ADGRB3: variants seen among roughly 807,000 people sequenced by gnomAD.
ADGRB3 encodes brain-specific angiogenesis inhibitor 3.
A neutral mutation model predicts 193.4 loss-of-function variants in ADGRB3; 37 were observed. The ratio of observed to expected loss-of-function variants is 0.19; its 90% confidence interval spans 0.15 to 0.25. The LOEUF is 0.25. ADGRB3 is among the 10% of genes least tolerant of loss of function. The probability of loss-of-function intolerance (pLI) is 1.00; values close to 1 mark genes in which losing one functional copy is unlikely to be tolerated. For synonymous variants in ADGRB3, 690 were observed against 644.2 expected, an observed-to-expected ratio of 1.07 and a Z score of -1.08; for missense variants, 1,637 against 1,852.9, an observed-to-expected ratio of 0.88 and a Z score of 2.14.
chr6:68,726,446 T>G (rs1363897932), intron 3 of ADGRB3, among the ~76,000 whole-genome samples: 1 of 151,590 alleles, frequency 6.6e-6, no homozygotes, highest in African/African-American at 2.4e-5. Flanking sequence ...ATAGAGGTCA[T>G]TTCTATGCAG....
intron 17 of ADGRB3, chr6:69,232,463 C>A: frequency 6.5e-7 from 1 of 1,527,450 alleles, no homozygotes; most frequent in South Asian, 1.2e-5. Context: ...AGGCTCTCTT[C>A]CCTACTCCTA....
chr6:69,355,992 G>GC lies in ADGRB3; in HGVS notation c.3595+137dup, dbSNP rs987331816. On this transcript the variant is annotated intron_variant, in intron 28 of 31. Transcript: ENST00000370598. ...GTGAAAGGGCTGTATATGTAAAGCAGCCCCCAAATGCCAAAGGAGCTGAGA... is the reference window on the plus strand; with the variant it reads ...GTGAAAGGGCTGTATATGTAAAGCAGCCCCCCAAATGCCAAAGGAGCTGAGA... 3 of 651,530 alleles carry GC rather than the reference G, an allele frequency of 4.6e-6. No individual in the cohort carries two copies. In the African/African-American group the frequency reaches 5.5e-5, roughly 12 times the overall value. The allele number at this position is 651,530 out of a possible 1,614,324, so 40.4% of individuals were successfully genotyped here. A position where few individuals can be genotyped will look rare whatever the true frequency, so the allele number is the denominator to read the frequency against.
At chr6:69,209,584 G>T (rs1341779121) in intron 17 of ADGRB3, among the ~76,000 whole-genome samples, 1 of 152,208 alleles carries the variant, frequency 6.6e-6, no homozygotes, top group African/African-American at 2.4e-5. Flanking sequence ...AAAAGCAATT[G>T]CAGTCTCTCT....
intron 16 of ADGRB3, among the ~76,000 whole-genome samples, chr6:69,073,059 C>T (rs1562147200): frequency 6.6e-6 from 1 of 152,176 alleles, no homozygotes; most frequent in Admixed American, 6.5e-5. Flanking sequence ...TCCATTCCCC[C>T]ATTTGTCCTT....
At chr6:69,311,557 C>T (rs1768195010) in intron 20 of ADGRB3, among the ~76,000 whole-genome samples, 1 of 151,692 alleles carries the variant, frequency 6.6e-6, no homozygotes, top group Non-Finnish European at 1.5e-5. Flanking sequence ...TCTGATCTCC[C>T]TAGGACATCT....
rs755776819 is a variant in ADGRB3, at chr6:69,388,711, C to A, written c.4389C>A (p.Pro1463=). Residue 1463 remains proline (P), a synonymous_variant, in exon 32 of 32, where the codon CCC becomes CCA. Transcript: ENST00000370598. ...CCCTCTCTTCTCAACAGGAAAACCC[C>A]GCACCAAACAAGAATCCATGGGACA... ...DIPNTSSMEN[P]APNKNPWDTF... The A allele has an allele frequency of 1.2e-6, 2 of 1,612,364 alleles. No homozygotes were observed. Among genetic ancestry groups the A allele is most frequent in the African/African-American group, 2.7e-5 (2 of 74,794 alleles).
chr6:68,636,443 G>GATAA (rs79779792), intron 1 of ADGRB3, among the ~76,000 whole-genome samples: 53,995 of 144,920 alleles, frequency 0.37, 10,312 homozygotes, highest in South Asian at 0.46. Context: ...CTCAGCAAGA[G>GATAA]ATAAATAAAT....
In ADGRB3 at chr6:69,100,738, CT is replaced by C. The variant is rs200196575; in HGVS notation, c.2480+24703del. Among the ~76,000 whole-genome samples, 686 of 148,810 alleles carry C rather than the reference CT, an allele frequency of 4.6e-3. 34 individuals are homozygous for C. Among genetic ancestry groups the C allele is most frequent in the Admixed American group, 0.042 (624 of 14,778 alleles). On this transcript the variant is annotated intron_variant, in intron 17 of 31. Transcript: ENST00000370598. ...AGGTAATTACTGTTAAATTTTTACC[CT>C]TTAAAGCCTTTAAATTCAGTTTTGT...
intron 8 of ADGRB3, among the ~76,000 whole-genome samples, chr6:68,973,013 A>G (rs1768632971): frequency 6.6e-6 from 1 of 152,208 alleles, no homozygotes; most frequent in Admixed American, 6.5e-5. Context: ...GGTTGAATTA[A>G]CTGCTAAACC....
intron 8 of ADGRB3, among the ~76,000 whole-genome samples, chr6:68,960,389 T>C (rs531284229): frequency 6.6e-6 from 1 of 152,260 alleles, no homozygotes; most frequent in South Asian, 2.1e-4. Context: ...TATCTATAAA[T>C]ATTCATACTA....
chr6:69,329,371 A>G (rs937799746), intron 22 of ADGRB3, among the ~76,000 whole-genome samples: 5 of 152,216 alleles, frequency 3.3e-5, no homozygotes, highest in Non-Finnish European at 7.3e-5. Context: ...TTGAATATAC[A>G]TACACATATT....
At chr6:68,805,489 C>G (rs574122302) in intron 3 of ADGRB3, among the ~76,000 whole-genome samples, 1 of 152,122 alleles carries the variant, frequency 6.6e-6, no homozygotes, top group Non-Finnish European at 1.5e-5. Context: ...CATTATGAGT[C>G]GAACTTTGTC....
intron 9 of ADGRB3, 151 bp downstream of exon 9, chr6:68,975,015 A>G (rs2150265618): frequency 2.7e-6 from 2 of 743,726 alleles, no homozygotes; most frequent in South Asian, 2.0e-5. Flanking sequence ...AAAGTGCTTC[A>G]TAAATGAAGC....
intron 3 of ADGRB3, among the ~76,000 whole-genome samples, chr6:68,837,600 A>T (rs1005169808): frequency 6.6e-6 from 1 of 152,244 alleles, no homozygotes; most frequent in African/African-American, 2.4e-5. Flanking sequence ...TTGAAATAAG[A>T]TAGAAAGTGA....
chr6:69,137,654 G>A (rs919907764), intron 17 of ADGRB3, among the ~76,000 whole-genome samples: 7 of 151,978 alleles, frequency 4.6e-5, no homozygotes, highest in South Asian at 2.1e-4. Context: ...AAAATTAGCC[G>A]GGCATGGTGG....
At chr6:68,657,673 T>C (rs181168257) in intron 3 of ADGRB3, among the ~76,000 whole-genome samples, 16 of 151,554 alleles carry the variant, frequency 1.1e-4, no homozygotes, top group Admixed American at 2.0e-4. Flanking sequence ...ACTCAACTTG[T>C]AAAGGGTTTT....
chr6:69,097,866 A>G (rs1481043243), intron 17 of ADGRB3, among the ~76,000 whole-genome samples: 1 of 152,194 alleles, frequency 6.6e-6, no homozygotes, highest in African/African-American at 2.4e-5. Flanking sequence ...GGAAAATGGT[A>G]CAGATTTTTA....
At chr6:68,828,562 T>G (rs1161746189) in intron 3 of ADGRB3, among the ~76,000 whole-genome samples, 1 of 152,132 alleles carries the variant, frequency 6.6e-6, no homozygotes, top group Non-Finnish European at 1.5e-5. Flanking sequence ...GTCAGGGATG[T>G]GGGAGAAGAG....
At chr6:68,691,361 A>C (rs36044642) in intron 3 of ADGRB3, among the ~76,000 whole-genome samples, 2 of 152,184 alleles carry the variant, frequency 1.3e-5, no homozygotes, top group South Asian at 4.1e-4. Flanking sequence ...TGAAACAAGG[A>C]CCAGGCATTT....
Sources: gnomAD v4.1 joint callset for allele counts (sites outside exome capture counted in the v4.1 genomes callset) on GRCh38, gnomAD v4.1.1 for gene constraint, MANE v1.5 for transcripts, NCBI Gene and HGNC (gene_info 2026-07-23, HGNC 2026-07-21) for gene names.